Variants in IL15 observed in about 807,000 individuals in gnomAD.
IL15 encodes the protein interleukin-15.
Under a neutral mutation model 19.6 loss-of-function variants are expected in IL15, and 11 were observed. The observed-to-expected ratio is 0.56, with a 90% CI of 0.35 to 0.93. The LOEUF (loss-of-function observed/expected upper bound fraction) is 0.93, where lower values mean the gene tolerates loss of function less well. Ranked by LOEUF, IL15 falls within the 40% of genes least tolerant of loss-of-function variation. The pLI is 0.01. For synonymous variants in IL15, 58 were observed against 59.6 expected, an observed-to-expected ratio of 0.97 and a Z score of 0.12; for missense variants, 197 against 186.5, an observed-to-expected ratio of 1.06 and a Z score of -0.33.
chr4:141,694,341 C>T (rs946065128), intron 2 of IL15, among the ~76,000 whole-genome samples: 7 of 152,156 alleles, frequency 4.6e-5, no homozygotes, highest in Non-Finnish European at 1.0e-4. Context: ...AGGGTTGGTT[C>T]TCTTGAGGTT....
intron 2 of IL15, among the ~76,000 whole-genome samples, chr4:141,704,270 T>C (rs1297012204): frequency 6.6e-6 from 1 of 152,210 alleles, no homozygotes; most frequent in Non-Finnish European, 1.5e-5. Context: ...ATGTTGAAGT[T>C]TTTCAAATGC....
At chr4:141,715,619 A>T (rs941680632) in intron 2 of IL15, 2 of 152,200 alleles carry the variant, frequency 1.3e-5, no homozygotes, top group African/African-American at 4.8e-5. Flanking sequence ...TGCCTAGCCC[A>T]TAATAAATAT....
intron 2 of IL15, among the ~76,000 whole-genome samples, chr4:141,669,129 C>A (rs957619026): frequency 6.6e-6 from 1 of 152,024 alleles, no homozygotes; most frequent in African/African-American, 2.4e-5. Flanking sequence ...TAAAAAGTTG[C>A]TGTAACAAAA....
At chr4:141,643,633 A>G (rs935585265) in intron 1 of IL15, among the ~76,000 whole-genome samples, 1 of 151,996 alleles carries the variant, frequency 6.6e-6, no homozygotes, top group Non-Finnish European at 1.5e-5. Flanking sequence ...CTTTTACCTT[A>G]CCAGCAACAA....
chr4:141,696,302 T>C (rs1729092797), intron 2 of IL15, among the ~76,000 whole-genome samples: 1 of 152,106 alleles, frequency 6.6e-6, no homozygotes, highest in Non-Finnish European at 1.5e-5. Flanking sequence ...GTCTGTTTTT[T>C]ATGCCAGTAT....
At chr4:141,664,888 A>C (rs6827248) in intron 2 of IL15, among the ~76,000 whole-genome samples, 16,321 of 152,160 alleles carry the variant, frequency 0.11, 1,011 homozygotes, top group Non-Finnish European at 0.15. Flanking sequence ...AAAATATATA[A>C]AAATACAAAT....
chr4:141,721,194 A>G (rs1202269461), intron 4 of IL15: 1 of 923,072 alleles, frequency 1.1e-6, no homozygotes, highest in South Asian at 1.3e-5. Flanking sequence ...CTTCATCATA[A>G]GACAGATTAG....
chr4:141,701,665 A>T (rs1279200577), intron 2 of IL15, among the ~76,000 whole-genome samples: 11 of 152,272 alleles, frequency 7.2e-5, no homozygotes, highest in South Asian at 2.1e-4. Flanking sequence ...GGTACATGTA[A>T]TCCTCAGTGG....
At position 141,636,767 on chromosome 4, in the gene IL15, T is replaced by A. The variant is rs542601430; in HGVS notation, c.-222+19T>A. 2.8e-4 allele frequency: 43 copies of A among 152,102 alleles called. No individual in the cohort carries two copies. The highest frequency in any genetic ancestry group is 1.0e-3 in the African/African-American group (42 of 41,450). 9.4% of individuals were successfully genotyped at this position (152,102 alleles called of 1,614,324 possible). A position where few individuals can be genotyped will look rare whatever the true frequency, so the allele number is the denominator to read the frequency against. On this transcript the variant is annotated intron_variant, in intron 1 of 7. Transcript: ENST00000320650. ...GATGGAGGTACAGAGCTCGGCTTCTTTGCCTTGGGAGGGGAGTGGTGGTGG... is the reference window on the plus strand; with the variant it reads ...GATGGAGGTACAGAGCTCGGCTTCTATGCCTTGGGAGGGGAGTGGTGGTGG...
At chr4:141,637,073 C>CA (rs1328194842) in intron 1 of IL15, 2 of 152,278 alleles carry the variant, frequency 1.3e-5, no homozygotes, top group African/African-American at 4.8e-5. Context: ...CTGGCTAGCG[C>CA]AAGGCGGGCC....
At chr4:141,710,784 G>T (rs529114897) in intron 2 of IL15, among the ~76,000 whole-genome samples, 1 of 150,712 alleles carries the variant, frequency 6.6e-6, no homozygotes, top group South Asian at 2.1e-4. Flanking sequence ...TACATGTCTG[G>T]CTTGGGTTTT....
Position 141,648,814 on chromosome 4 carries a change from C to T in IL15, c.-221-7372C>T, listed in dbSNP as rs548762706. On this transcript the variant is annotated intron_variant, in intron 1 of 7. Transcript: ENST00000320650. Reference sequence around the variant, plus strand: ...TAAGTCAAACCATATTACTCTGAGCCGCTGCAACTTATAAAGCATGGCTTC... The same window carrying T: ...TAAGTCAAACCATATTACTCTGAGCTGCTGCAACTTATAAAGCATGGCTTC... 1.6e-4 allele frequency among the ~76,000 whole-genome samples: 24 copies of T among 152,142 alleles called. No homozygotes were observed. The South Asian group carries it at 4.2e-3, about 26-fold the overall frequency.
chr4:141,710,172 A>G (rs896578484), intron 2 of IL15, among the ~76,000 whole-genome samples: 1 of 152,188 alleles, frequency 6.6e-6, no homozygotes, highest in African/African-American at 2.4e-5. Flanking sequence ...GAATTACTGC[A>G]GGGCCTCAGC....
chr4:141,690,172 A>T (rs1223316467), intron 2 of IL15, among the ~76,000 whole-genome samples: 2 of 152,136 alleles, frequency 1.3e-5, no homozygotes, highest in Non-Finnish European at 2.9e-5. Flanking sequence ...CACCAAGCCC[A>T]TGCCCACACG....
chr4:141,715,157 A>AG (rs1579045993), intron 2 of IL15: 1 of 152,116 alleles, frequency 6.6e-6, no homozygotes, highest in East Asian at 1.9e-4. Context: ...ATCTGTCTGG[A>AG]AATTATATTA....
intron 2 of IL15, among the ~76,000 whole-genome samples, chr4:141,693,593 TA>T (rs1443148707): frequency 1.3e-5 from 2 of 152,250 alleles, no homozygotes; most frequent in African/African-American, 4.8e-5. Flanking sequence ...CTTTAAAAAT[TA>T]ATGAATTTAT....
intron 2 of IL15, among the ~76,000 whole-genome samples, chr4:141,685,764 A>G (rs1404873731): frequency 6.6e-6 from 1 of 152,234 alleles, no homozygotes; most frequent in African/African-American, 2.4e-5. Flanking sequence ...CCATGAATGA[A>G]AAGATTTATC....
chr4:141,683,571 T>TAAA (rs566487149), intron 2 of IL15, among the ~76,000 whole-genome samples: 88 of 120,912 alleles, frequency 7.3e-4, no homozygotes, highest in African/African-American at 2.5e-3. Flanking sequence ...ATTCCGTCTC[T>TAAA]AAAAAAAAAA....
intron 7 of IL15, among the ~76,000 whole-genome samples, chr4:141,731,596 C>T (rs375123918): frequency 9.9e-5 from 15 of 152,094 alleles, no homozygotes; most frequent in African/African-American, 3.6e-4. Flanking sequence ...TGCTGGAATG[C>T]GTGGGCAGGA....
Sources: allele counts gnomAD v4.1 joint callset (sites outside exome capture counted in the v4.1 genomes callset), GRCh38; gene constraint gnomAD v4.1.1; transcripts MANE v1.5; gene names NCBI Gene and HGNC (gene_info 2026-07-23, HGNC 2026-07-21).